B3GALT1: variants seen among roughly 807,000 people sequenced by gnomAD.
B3GALT1 encodes the protein beta-1,3-galactosyltransferase 1.
B3GALT1 carries 10 observed loss-of-function variants against 23.2 expected under a neutral mutation model. The observed-to-expected ratio is 0.43, with a 90% CI of 0.27 to 0.73. B3GALT1 has a LOEUF of 0.73. Ranked by LOEUF, B3GALT1 falls within the 30% of genes least tolerant of loss-of-function variation. The pLI is 0.21. For missense variants in B3GALT1, 299 were observed against 405.4 expected (o/e 0.74, Z 2.25); for synonymous variants, 156 against 141.5 (o/e 1.10, Z -0.73).
intron 1 of B3GALT1, among the ~76,000 whole-genome samples, chr2:167,452,977 A>G (rs1448609808): frequency 6.6e-6 from 1 of 152,230 alleles, no homozygotes; most frequent in Admixed American, 6.5e-5. Context: ...TTCCCAGATC[A>G]TTCTAATATG....
At chr2:167,314,207 A>G (rs545799314) in intron 1 of B3GALT1, among the ~76,000 whole-genome samples, 1 of 152,280 alleles carries the variant, frequency 6.6e-6, no homozygotes, top group African/African-American at 2.4e-5. Context: ...AATAAAAAAA[A>G]AAGTTTGGGA....
chr2:167,673,954 T>G (rs923548596), intron 3 of B3GALT1, among the ~76,000 whole-genome samples: 2 of 152,082 alleles, frequency 1.3e-5, no homozygotes, highest in African/African-American at 4.8e-5. Flanking sequence ...TGATTAATCA[T>G]ATAGTTAGAT....
At chr2:167,832,510 T>C (rs1190057991) in intron 4 of B3GALT1, among the ~76,000 whole-genome samples, 1 of 152,206 alleles carries the variant, frequency 6.6e-6, no homozygotes, top group Non-Finnish European at 1.5e-5. Flanking sequence ...ATCTCACTTT[T>C]AACCACCATA....
At chr2:167,555,868 G>A (rs1362825692) in intron 2 of B3GALT1, among the ~76,000 whole-genome samples, 1 of 152,176 alleles carries the variant, frequency 6.6e-6, no homozygotes, top group Non-Finnish European at 1.5e-5. Context: ...ATAATCATCT[G>A]AGTCTGAATG....
intron 3 of B3GALT1, among the ~76,000 whole-genome samples, chr2:167,655,730 T>G (rs897634850): frequency 2.0e-5 from 3 of 152,216 alleles, no homozygotes; most frequent in African/African-American, 7.2e-5. Context: ...TAAATTAGCC[T>G]GTGAAAACTA....
intron 1 of B3GALT1, among the ~76,000 whole-genome samples, chr2:167,329,356 C>G (rs901423620): frequency 6.6e-6 from 1 of 152,102 alleles, no homozygotes; most frequent in African/African-American, 2.4e-5. Context: ...CCGTACTGGT[C>G]TGAGTGGATT....
Position 167,744,748 on chromosome 2 carries a change from C to T in B3GALT1, c.-351-73924C>T, listed in dbSNP as rs922852229. Among the ~76,000 whole-genome samples the T allele has an allele frequency of 1.4e-4, 22 of 152,028 alleles. 1 individual carries two copies. The highest frequency in any genetic ancestry group is 4.8e-4 in the African/African-American group (20 of 41,392). Reference sequence around the variant, plus strand: ...CTGGGATTACAGGCACTGACCACCACGCCCGGCTAATTTTGTATTTTTAGT... The same window carrying T: ...CTGGGATTACAGGCACTGACCACCATGCCCGGCTAATTTTGTATTTTTAGT... On this transcript the variant is annotated intron_variant, in intron 3 of 4. Coordinates refer to ENST00000392690, the MANE Select transcript of B3GALT1 (RefSeq NM_020981.4).
intron 4 of B3GALT1, among the ~76,000 whole-genome samples, chr2:167,863,812 C>T (rs1034956470): frequency 1.3e-5 from 2 of 152,158 alleles, no homozygotes; most frequent in Non-Finnish European, 2.9e-5. Context: ...TTTAGGTTTT[C>T]AGCAAGTTTC....
At chr2:167,356,142 T>G (rs969756633) in intron 1 of B3GALT1, among the ~76,000 whole-genome samples, 3 of 152,216 alleles carry the variant, frequency 2.0e-5, no homozygotes, top group African/African-American at 7.2e-5. Flanking sequence ...TCTCCCCTGC[T>G]CACTGCAGGA....
intron 1 of B3GALT1, among the ~76,000 whole-genome samples, chr2:167,321,019 GA>G (rs1696802992): frequency 6.6e-6 from 1 of 151,932 alleles, no homozygotes; most frequent in Non-Finnish European, 1.5e-5. Context: ...GACTTTAAAA[GA>G]AAATGAACTT....
chr2:167,489,599 A>G (rs6432999), intron 1 of B3GALT1, among the ~76,000 whole-genome samples: 3,197 of 152,298 alleles, frequency 0.021, 111 homozygotes, highest in African/African-American at 0.073. Flanking sequence ...CTTATAGAAC[A>G]TGCTGGCAGA....
intron 2 of B3GALT1, among the ~76,000 whole-genome samples, chr2:167,575,263 A>C (rs1477626919): frequency 6.6e-6 from 1 of 151,900 alleles, no homozygotes; most frequent in East Asian, 1.9e-4. Context: ...TCAAATACTG[A>C]CTTTACAGTC....
intron 3 of B3GALT1, among the ~76,000 whole-genome samples, chr2:167,678,398 G>T (rs565485897): frequency 5.9e-5 from 9 of 152,226 alleles, no homozygotes; most frequent in African/African-American, 2.2e-4. Flanking sequence ...TTTCCCAAAG[G>T]TTATTCAATG....
intron 2 of B3GALT1, among the ~76,000 whole-genome samples, chr2:167,631,303 C>A (rs986810572): frequency 6.6e-6 from 1 of 151,802 alleles, no homozygotes; most frequent in Admixed American, 6.6e-5. Flanking sequence ...TTGATCAGGA[C>A]AAAACACCTG....
At position 167,519,072 on chromosome 2, in the gene B3GALT1, A is replaced by AT. The variant is rs1574115497; in HGVS notation, c.-410+28795_-410+28796insT. ...CTTCTTAGGTAAAGAAAACAAATAC[A>AT]ATTTCTTTTTTTTGTAAATTTAGAG... On this transcript the variant is annotated intron_variant, in intron 2 of 4. Coordinates refer to ENST00000392690, the MANE Select transcript of B3GALT1 (RefSeq NM_020981.4). Among the ~76,000 whole-genome samples the AT allele has an allele frequency of 2.0e-5, 3 of 147,722 alleles. No individual in the cohort carries two copies. In the South Asian group the frequency reaches 6.8e-4, roughly 34 times the overall value.
At chr2:167,363,943 G>T (rs1046492588) in intron 1 of B3GALT1, among the ~76,000 whole-genome samples, 5 of 152,024 alleles carry the variant, frequency 3.3e-5, no homozygotes, top group Non-Finnish European at 7.4e-5. Flanking sequence ...CGGATCACTT[G>T]AGGTCAGGAG....
intron 4 of B3GALT1, among the ~76,000 whole-genome samples, chr2:167,830,559 A>G (rs1039307942): frequency 8.5e-5 from 13 of 152,124 alleles, no homozygotes; most frequent in Non-Finnish European, 1.2e-4. Context: ...AGATGATGCT[A>G]CCATTGTTGA....
At chr2:167,602,381 G>A (rs1483866195) in intron 2 of B3GALT1, among the ~76,000 whole-genome samples, 4 of 152,172 alleles carry the variant, frequency 2.6e-5, no homozygotes, top group Admixed American at 2.6e-4. Context: ...ATACCTAGTT[G>A]TGGGCAATTT....
chr2:167,806,113 T>G (rs377730431), intron 3 of B3GALT1, among the ~76,000 whole-genome samples: 1,922 of 152,220 alleles, frequency 0.013, 32 homozygotes, highest in South Asian at 0.061. Context: ...GTTCACTCAT[T>G]ATTTGGCTCT....
Sources: gnomAD v4.1 joint callset for allele counts (sites outside exome capture counted in the v4.1 genomes callset) on GRCh38, gnomAD v4.1.1 for gene constraint, MANE v1.5 for transcripts, NCBI Gene and HGNC (gene_info 2026-07-23, HGNC 2026-07-21) for gene names.